VWA3B: variants seen among roughly 807,000 people sequenced by gnomAD.
VWA3B encodes the protein von Willebrand factor A domain containing 3B.
In VWA3B, 138 loss-of-function variants were observed where a neutral mutation model predicts 158.3. The ratio of observed to expected loss-of-function variants is 0.87; its 90% CI spans 0.76 to 1.00. VWA3B has a LOEUF of 1.00. VWA3B is among the 50% of genes least tolerant of loss of function. The pLI is 0.00. For missense variants in VWA3B, 1,555 were observed against 1,565.1 expected (o/e 0.99, Z 0.11); for synonymous variants, 596 against 587.3 (o/e 1.01, Z -0.21).
At chr2:98,212,180 C>A in intron 13 of VWA3B, 152 bp downstream of exon 13, 1 of 586,066 alleles carries the variant, frequency 1.7e-6, no homozygotes, top group Non-Finnish European at 3.0e-6. Context: ...TGAGAAAATA[C>A]ACTGAAAGAT....
At chr2:98,165,951 T>C (rs1275400368) in intron 8 of VWA3B, among the ~76,000 whole-genome samples, 1 of 152,162 alleles carries the variant, frequency 6.6e-6, no homozygotes, top group Non-Finnish European at 1.5e-5. Context: ...AAGGCATTTG[T>C]TTCGGGGAGT....
intron 7 of VWA3B, among the ~76,000 whole-genome samples, chr2:98,155,954 C>T (rs1678033472): frequency 6.6e-6 from 1 of 152,156 alleles, no homozygotes; most frequent in Non-Finnish European, 1.5e-5. Flanking sequence ...ACGTCTTAGA[C>T]TAAAGCTTTG....
intron 12 of VWA3B, among the ~76,000 whole-genome samples, chr2:98,200,578 G>A (rs950268361): frequency 1.3e-5 from 2 of 149,912 alleles, no homozygotes; most frequent in African/African-American, 4.9e-5. Flanking sequence ...CTTTCTTCAT[G>A]TATTCTGCAC....
chr2:98,281,894 T>G (rs1386856786), intron 22 of VWA3B, among the ~76,000 whole-genome samples: 1 of 152,250 alleles, frequency 6.6e-6, no homozygotes, highest in African/African-American at 2.4e-5. Flanking sequence ...TGCCTGAGTC[T>G]AAACATATGT....
chr2:98,153,414 G>T (rs1202796425), intron 7 of VWA3B, among the ~76,000 whole-genome samples: 2 of 152,174 alleles, frequency 1.3e-5, no homozygotes, highest in Admixed American at 1.3e-4. Flanking sequence ...TCTACCTTCA[G>T]AAACTGTGCT....
chr2:98,165,561 G>A (rs1678998695), intron 8 of VWA3B, among the ~76,000 whole-genome samples: 1 of 152,162 alleles, frequency 6.6e-6, no homozygotes, highest in South Asian at 2.1e-4. Context: ...GGGAGGTCAG[G>A]CCGGCTGGGA....
intron 9 of VWA3B, among the ~76,000 whole-genome samples, chr2:98,186,921 G>A (rs908522271): frequency 6.6e-6 from 1 of 152,182 alleles, no homozygotes; most frequent in Middle Eastern, 3.4e-3. Flanking sequence ...TACGGGACCT[G>A]CTCCTGGCCC....
At chr2:98,266,509 G>C (rs1184432794) in intron 21 of VWA3B, among the ~76,000 whole-genome samples, 1 of 149,924 alleles carries the variant, frequency 6.7e-6, no homozygotes, top group African/African-American at 2.5e-5. Context: ...TTTTGGCTTA[G>C]GATTGACTTG....
At chr2:98,192,862 C>T (rs773048284) in intron 10 of VWA3B, 36 bp from the exon 11 acceptor site, 5 of 1,613,916 alleles carry the variant, frequency 3.1e-6, no homozygotes, top group South Asian at 2.2e-5. Flanking sequence ...TGCCTGCAGG[C>T]TCTCACCATT....
intron 8 of VWA3B, among the ~76,000 whole-genome samples, chr2:98,163,824 G>GGATCAGATAGCAAAGC (rs745484681): frequency 3.5e-4 from 53 of 152,190 alleles, no homozygotes; most frequent in Non-Finnish European, 6.0e-4. Context: ...ACGAGGATGT[G>GGATCAGATAGCAAAGC]GATCAGATAG....
chr2:98,188,935 G>A (rs917871557), intron 10 of VWA3B, among the ~76,000 whole-genome samples: 1 of 152,174 alleles, frequency 6.6e-6, no homozygotes, highest in Non-Finnish European at 1.5e-5. Context: ...GAATGCTTCT[G>A]TTTCATACCT....
Position 98,264,183 on chromosome 2 carries a change from A to C in VWA3B, c.2844-6499A>C, listed in dbSNP as rs546482487. Among the ~76,000 whole-genome samples, 14 of 151,858 alleles carry C rather than the reference A, an allele frequency of 9.2e-5. No homozygotes were observed. In the South Asian group the frequency reaches 2.7e-3, roughly 29 times the overall value. ...ATTTTGTAGGTCTTTTCAAAAAAAA[A>C]CAAATCTTGCTTTCATTGATTTTTT... is the stretch of plus-strand genomic sequence containing the variant. On this transcript the variant is annotated intron_variant, in intron 21 of 27. Transcript: ENST00000477737.
chr2:98,295,925 T>G (rs990755683), intron 23 of VWA3B, among the ~76,000 whole-genome samples: 1 of 152,188 alleles, frequency 6.6e-6, no homozygotes. Flanking sequence ...GAGGCCAGGT[T>G]GAAGCCAGAC....
chr2:98,182,477 C>T (rs1402792418), intron 9 of VWA3B, among the ~76,000 whole-genome samples: 3 of 152,198 alleles, frequency 2.0e-5, no homozygotes, highest in East Asian at 1.9e-4. Context: ...AATTGATGCA[C>T]GACTTGTTTC....
At chr2:98,120,425 T>C (rs757475228) in intron 4 of VWA3B, among the ~76,000 whole-genome samples, 4 of 152,234 alleles carry the variant, frequency 2.6e-5, no homozygotes, top group Non-Finnish European at 5.9e-5. Flanking sequence ...GAGGACATCT[T>C]TGGGGACAAT....
At chr2:98,112,294 GT>G (rs1402342680) in intron 2 of VWA3B, among the ~76,000 whole-genome samples, 73 of 151,158 alleles carry the variant, frequency 4.8e-4, no homozygotes, top group Non-Finnish European at 8.9e-5. Flanking sequence ...GTGTGTGTGT[GT>G]GTGTGTGGGT....
At chr2:98,271,543 A>T (rs746390402) in intron 22 of VWA3B, among the ~76,000 whole-genome samples, 5 of 152,264 alleles carry the variant, frequency 3.3e-5, no homozygotes, top group African/African-American at 1.2e-4. Context: ...GCATTATTTC[A>T]TAGACTTTCT....
chr2:98,315,420 A>G (rs571023867), downstream of VWA3B, among the ~76,000 whole-genome samples: 7 of 152,308 alleles, frequency 4.6e-5, no homozygotes, highest in African/African-American at 1.7e-4. Flanking sequence ...GGTGATTGCT[A>G]TAGGGATGGA....
chr2:98,179,798 C>CTTTCTTTCTTTCTTTCTTTCTT (rs1680353085), intron 8 of VWA3B, among the ~76,000 whole-genome samples: 1 of 114,922 alleles, frequency 8.7e-6, no homozygotes, highest in Admixed American at 8.6e-5. Context: ...TTCTTTCTTT[C>CTTTCTTTCTTTCTTTCTTTCTT]TTTCTTTCTT....
Sources: gnomAD v4.1 joint callset for allele counts (sites outside exome capture counted in the v4.1 genomes callset) on GRCh38, gnomAD v4.1.1 for gene constraint, MANE v1.5 for transcripts, NCBI Gene and HGNC (gene_info 2026-07-23, HGNC 2026-07-21) for gene names.